Variants in CSMD3 observed in about 807,000 individuals in gnomAD.
The protein encoded by CSMD3 is CUB and sushi domain-containing protein 3.
Under a neutral mutation model 435.2 loss-of-function variants are expected in CSMD3, and 177 were observed. That is an observed-to-expected ratio of 0.41 (90% CI 0.36 to 0.46). CSMD3 has a LOEUF of 0.46. CSMD3 is among the 20% of genes least tolerant of loss of function. CSMD3 has a pLI of 0.34. For missense variants in CSMD3, 4,265 were observed against 4,504.6 expected, an observed-to-expected ratio of 0.95 and a Z score of 1.52; for synonymous variants, 1,656 against 1,520.5, an observed-to-expected ratio of 1.09 and a Z score of -2.07.
At chr8:113,046,756 G>T (rs1207234795) in intron 5 of CSMD3, among the ~76,000 whole-genome samples, 1 of 152,188 alleles carries the variant, frequency 6.6e-6, no homozygotes, top group Non-Finnish European at 1.5e-5. Flanking sequence ...TTGGAGGGGC[G>T]AGGGTCTGAG....
At chr8:113,294,209 A>C (rs1390686175) in intron 2 of CSMD3, among the ~76,000 whole-genome samples, 1 of 152,066 alleles carries the variant, frequency 6.6e-6, no homozygotes, top group African/African-American at 2.4e-5. Flanking sequence ...GATGCTTTTA[A>C]AATTAAATTA....
intron 4 of CSMD3, among the ~76,000 whole-genome samples, chr8:113,169,455 T>A (rs966982314): frequency 6.6e-6 from 1 of 152,104 alleles, no homozygotes; most frequent in African/African-American, 2.4e-5. Flanking sequence ...ATCAGTCCTT[T>A]CCCTGAGCCC....
intron 5 of CSMD3, among the ~76,000 whole-genome samples, chr8:113,062,080 A>C (rs2088639909): frequency 6.6e-6 from 1 of 151,786 alleles, no homozygotes; most frequent in South Asian, 2.1e-4. Context: ...TTCTACTTTT[A>C]ATTATTTTAT....
intron 64 of CSMD3, among the ~76,000 whole-genome samples, chr8:112,246,342 T>C (rs1181573890): frequency 6.6e-6 from 1 of 152,216 alleles, no homozygotes; most frequent in African/African-American, 2.4e-5. Context: ...GCTTACTTTT[T>C]TCCATTTTTC....
At position 112,747,701 on chromosome 8, in the gene CSMD3, C is replaced by A. The variant is rs186222393; in HGVS notation, c.1972+52461G>T. ...TTATTTATAAAAACAGGCGGCCGGGCGCGGTGGCTCACGCCTGTAATCCCA... is the reference window on the plus strand; with the variant it reads ...TTATTTATAAAAACAGGCGGCCGGGAGCGGTGGCTCACGCCTGTAATCCCA... On this transcript the variant is annotated intron_variant, in intron 13 of 70. Transcript: ENST00000297405. Among the ~76,000 whole-genome samples the A allele has an allele frequency of 2.9e-3, 443 of 152,200 alleles. 1 individual carries two copies. Among genetic ancestry groups the A allele is most frequent in the African/African-American group, 9.8e-3 (409 of 41,528 alleles).
At chr8:112,740,173 T>C (rs2077271933) in intron 13 of CSMD3, among the ~76,000 whole-genome samples, 1 of 151,810 alleles carries the variant, frequency 6.6e-6, no homozygotes, top group South Asian at 2.1e-4. Flanking sequence ...TGGCACATCA[T>C]TATGACACAA....
At chr8:112,596,318 A>G (rs1312386166) in intron 22 of CSMD3, among the ~76,000 whole-genome samples, 1 of 152,324 alleles carries the variant, frequency 6.6e-6, no homozygotes, top group East Asian at 1.9e-4. Context: ...AGAGCTAACT[A>G]TCCAAAATAT....
intron 22 of CSMD3, among the ~76,000 whole-genome samples, chr8:112,593,973 T>G (rs4258032): frequency 0.58 from 87,532 of 151,984 alleles, 25,777 homozygotes; most frequent in African/African-American, 0.69. Flanking sequence ...AACATTTCAG[T>G]ACATTTATAT....
At chr8:113,233,648 T>C (rs1234898618) in intron 3 of CSMD3, among the ~76,000 whole-genome samples, 1 of 151,178 alleles carries the variant, frequency 6.6e-6, no homozygotes, top group Non-Finnish European at 1.5e-5. Context: ...ACAAAGAAAA[T>C]CCTCAATCAT....
intron 70 of CSMD3, among the ~76,000 whole-genome samples, chr8:112,226,019 T>C (rs1586444296): frequency 6.6e-6 from 1 of 152,188 alleles, no homozygotes; most frequent in East Asian, 1.9e-4. Context: ...AATAAATTTG[T>C]TTCTCAACTC....
intron 3 of CSMD3, among the ~76,000 whole-genome samples, chr8:113,231,107 A>G (rs1215381538): frequency 6.6e-6 from 1 of 151,376 alleles, no homozygotes; most frequent in Admixed American, 6.6e-5. Flanking sequence ...TTTGATTAAC[A>G]TTATTTTAAA....
chr8:112,812,346 C>T (rs1187281687), intron 12 of CSMD3, among the ~76,000 whole-genome samples: 1 of 152,124 alleles, frequency 6.6e-6, no homozygotes, highest in Non-Finnish European at 1.5e-5. Flanking sequence ...GGCATGTGGC[C>T]CATCCCAAGT....
In CSMD3 at chr8:112,426,093, G is replaced by A. The variant is rs371094124; in HGVS notation, c.5396-17061C>T. 1.2e-4 allele frequency among the ~76,000 whole-genome samples: 18 copies of A among 152,082 alleles called. 1 individual carries two copies. The highest frequency in any genetic ancestry group is 4.3e-4 in the African/African-American group (18 of 41,514). On this transcript the variant is annotated intron_variant, in intron 32 of 70. Coordinates refer to ENST00000297405, the MANE Select transcript of CSMD3 (RefSeq NM_198123.2). ...GAATGCACAAATACATAGTAAAATG[G>A]AGCTGGAGACATAAAAAAAGTGAGC...
At chr8:112,837,983 C>G (rs2080076918) in intron 11 of CSMD3, among the ~76,000 whole-genome samples, 2 of 151,626 alleles carry the variant, frequency 1.3e-5, no homozygotes, top group African/African-American at 2.4e-5. Flanking sequence ...CATTCTATAC[C>G]TTGGCAATCA....
intron 22 of CSMD3, among the ~76,000 whole-genome samples, chr8:112,617,536 T>C (rs1338579574): frequency 1.3e-5 from 2 of 152,186 alleles, no homozygotes; most frequent in Non-Finnish European, 2.9e-5. Flanking sequence ...AATTATCTCA[T>C]TGAATAAAAA....
At chr8:113,062,418 A>C (rs2088655778) in intron 5 of CSMD3, among the ~76,000 whole-genome samples, 1 of 151,958 alleles carries the variant, frequency 6.6e-6, no homozygotes, top group Non-Finnish European at 1.5e-5. Flanking sequence ...ATTTTATCAA[A>C]GAAATGAAAC....
At chr8:113,244,190 C>G (rs1309933944) in intron 3 of CSMD3, among the ~76,000 whole-genome samples, 1 of 152,180 alleles carries the variant, frequency 6.6e-6, no homozygotes, top group African/African-American at 2.4e-5. Flanking sequence ...TTTACTAATT[C>G]CTTGTGCTTT....
intron 14 of CSMD3, among the ~76,000 whole-genome samples, chr8:112,688,039 A>G (rs567484725): frequency 2.0e-5 from 3 of 152,202 alleles, no homozygotes; most frequent in Non-Finnish European, 1.5e-5. Flanking sequence ...TGCAAACCAT[A>G]CGATCTCCTT....
At chr8:112,941,658 C>G (rs1376407958) in intron 9 of CSMD3, among the ~76,000 whole-genome samples, 1 of 151,652 alleles carries the variant, frequency 6.6e-6, no homozygotes, top group Non-Finnish European at 1.5e-5. Flanking sequence ...GAGGTTGTAA[C>G]AAACATGCTA....
Sources: gnomAD v4.1 joint callset for allele counts (sites outside exome capture counted in the v4.1 genomes callset) on GRCh38, gnomAD v4.1.1 for gene constraint, MANE v1.5 for transcripts, NCBI Gene and HGNC (gene_info 2026-07-23, HGNC 2026-07-21) for gene names.